Variants in IL1RAPL1 observed in about 807,000 individuals in gnomAD.
The protein encoded by IL1RAPL1 is interleukin 1 receptor accessory protein like 1.
A neutral mutation model predicts 48.4 loss-of-function variants in IL1RAPL1; 3 were observed. That is an observed-to-expected ratio of 0.06 (90% confidence interval 0.03 to 0.16). IL1RAPL1 has a LOEUF of 0.16. Among genes scored for constraint, IL1RAPL1 ranks in the 10% least tolerant of loss-of-function variants. The probability of loss-of-function intolerance (pLI) is 1.00; values close to 1 mark genes in which losing one functional copy is unlikely to be tolerated. For synonymous variants in IL1RAPL1, 185 were observed against 187.7 expected (o/e 0.99, Z 0.12); for missense variants, 349 against 530.6 (o/e 0.66, Z 3.36).
intron 5 of IL1RAPL1, among the ~76,000 whole-genome samples, chrX:29,417,497 G>C (rs1380363898): frequency 9.0e-6 from 1 of 111,585 alleles, no homozygotes; most frequent in Admixed American, 9.5e-5. Flanking sequence ...ATGTAAAGAA[G>C]TAGCTTACTC....
intron 2 of IL1RAPL1, among the ~76,000 whole-genome samples, chrX:29,239,005 C>G (rs779923060): frequency 3.6e-5 from 4 of 112,345 alleles, no homozygotes; most frequent in African/African-American, 1.3e-4. Flanking sequence ...CAAATTATCA[C>G]TGAAAGAGGA....
intron 2 of IL1RAPL1, among the ~76,000 whole-genome samples, chrX:29,209,579 A>G (rs770756993): frequency 8.9e-6 from 1 of 111,894 alleles, no homozygotes; most frequent in Non-Finnish European, 1.9e-5. Context: ...GGCACAAGCT[A>G]TGCATCTGTA....
rs768469484 is a variant in IL1RAPL1, at chrX:29,108,937, A to T, written c.83-174001A>T. Among the ~76,000 whole-genome samples the T allele has an allele frequency of 6.3e-5, 7 of 111,247 alleles. No individual in the cohort carries two copies. In the Admixed American group the frequency reaches 6.8e-4, roughly 11 times the overall value. ...CTTCAGAAATTAAAAATAATAGACC[A>T]GTTTTCCAGAGTAAGACATCTTTTT... On this transcript the variant is annotated intron_variant, in intron 2 of 10. Transcript: ENST00000378993.
At position 28,843,674 on chromosome X, in the gene IL1RAPL1, G is replaced by C. The variant is rs1264819311; in HGVS notation, c.82+54249G>C. ...TGTATGCATCTTTGAAGTCTAAATA[G>C]CATGTTATACAAATTGAAAATTGAC... On this transcript the variant is annotated intron_variant, in intron 2 of 10. Coordinates refer to ENST00000378993, the MANE Select transcript of IL1RAPL1 (RefSeq NM_014271.4). Among the ~76,000 whole-genome samples the C allele has an allele frequency of 3.6e-5, 4 of 111,897 alleles. 1 individual carries two copies. Among genetic ancestry groups the C allele is most frequent in the Non-Finnish European group, 7.5e-5 (4 of 53,071 alleles).
intron 6 of IL1RAPL1, among the ~76,000 whole-genome samples, chrX:29,907,691 C>T (rs968048520): frequency 9.0e-6 from 1 of 111,588 alleles, no homozygotes; most frequent in Non-Finnish European, 1.9e-5. Flanking sequence ...ACGTAATGTC[C>T]AGATCTATCA....
intron 6 of IL1RAPL1, among the ~76,000 whole-genome samples, chrX:29,824,813 T>G (rs192439489): frequency 9.0e-6 from 1 of 111,080 alleles, no homozygotes; most frequent in Non-Finnish European, 1.9e-5. Context: ...AGGGCTAATT[T>G]ACCAGTTGTG....
At chrX:29,112,354 C>A (rs1928588707) in intron 2 of IL1RAPL1, among the ~76,000 whole-genome samples, 1 of 111,752 alleles carries the variant, frequency 8.9e-6, no homozygotes, top group Non-Finnish European at 1.9e-5. Flanking sequence ...TTATTTCCTA[C>A]CCTAAGATCA....
intron 5 of IL1RAPL1, among the ~76,000 whole-genome samples, chrX:29,604,465 G>A (rs1923824809): frequency 9.0e-6 from 1 of 110,988 alleles, no homozygotes; most frequent in Non-Finnish European, 1.9e-5. Context: ...TTGAGAGGTA[G>A]TCTCACTCTG....
intron 6 of IL1RAPL1, among the ~76,000 whole-genome samples, chrX:29,778,469 G>T (rs1244746197): frequency 8.9e-6 from 1 of 111,834 alleles, no homozygotes; most frequent in African/African-American, 3.2e-5. Context: ...CTCCATGAGC[G>T]CAGGTATTGG....
chrX:28,768,751 C>CTATATA (rs1319423117), intron 1 of IL1RAPL1, among the ~76,000 whole-genome samples: 187 of 63,243 alleles, frequency 3.0e-3, no homozygotes, highest in Middle Eastern at 8.9e-3. Flanking sequence ...CTCTCTCTCT[C>CTATATA]TCTCTATATA....
chrX:29,862,800 G>A (rs1199254536), intron 6 of IL1RAPL1, among the ~76,000 whole-genome samples: 1 of 109,530 alleles, frequency 9.1e-6, no homozygotes, highest in Non-Finnish European at 1.9e-5. Flanking sequence ...TACGTGTTTG[G>A]TGGGATGAAA....
In IL1RAPL1 at chrX:29,577,236, T is replaced by C. The variant is rs188250951; in HGVS notation, c.704-91194T>C. On this transcript the variant is annotated intron_variant, in intron 5 of 10. Coordinates refer to ENST00000378993, the MANE Select transcript of IL1RAPL1 (RefSeq NM_014271.4). ...TGCATTTTCAGTAGTGTTTTTATACTGCAGATAATTTATGCACATTTTATA... is the reference window on the plus strand; with the variant it reads ...TGCATTTTCAGTAGTGTTTTTATACCGCAGATAATTTATGCACATTTTATA... Among the ~76,000 whole-genome samples the C allele has an allele frequency of 4.2e-3, 474 of 111,951 alleles. 2 individuals are homozygous for C. Among genetic ancestry groups the C allele is most frequent in the African/African-American group, 0.015 (458 of 30,853 alleles).
chrX:29,515,235 T>A (rs1935434208), intron 5 of IL1RAPL1, among the ~76,000 whole-genome samples: 1 of 112,784 alleles, frequency 8.9e-6, no homozygotes, highest in Non-Finnish European at 1.9e-5. Flanking sequence ...ATCTCATATA[T>A]CCTTTAATCA....
chrX:28,721,736 T>C (rs1340799928), intron 1 of IL1RAPL1, among the ~76,000 whole-genome samples: 1 of 111,442 alleles, frequency 9.0e-6, no homozygotes, highest in Non-Finnish European at 1.9e-5. Context: ...AGGTCTGACA[T>C]TTAAGTCTTT....
intron 2 of IL1RAPL1, among the ~76,000 whole-genome samples, chrX:29,184,187 C>T (rs959309473): frequency 1.8e-5 from 2 of 111,057 alleles, no homozygotes; most frequent in South Asian, 3.8e-4. Flanking sequence ...GACTTGTTTG[C>T]GTTTCCATTT....
chrX:29,129,565 C>G (rs1202688110), intron 2 of IL1RAPL1, among the ~76,000 whole-genome samples: 2 of 103,299 alleles, frequency 1.9e-5, no homozygotes, highest in Non-Finnish European at 3.9e-5. Context: ...TGTGAATTAA[C>G]TGTATATGCA....
intron 2 of IL1RAPL1, among the ~76,000 whole-genome samples, chrX:29,255,161 G>T (rs1184455802): frequency 9.1e-6 from 1 of 109,412 alleles, no homozygotes; most frequent in Non-Finnish European, 1.9e-5. Context: ...GTGTGTGTGT[G>T]TGTGAAATTC....
intron 5 of IL1RAPL1, among the ~76,000 whole-genome samples, chrX:29,493,680 C>A (rs1935182353): frequency 9.0e-6 from 1 of 111,221 alleles, no homozygotes; most frequent in African/African-American, 3.3e-5. Flanking sequence ...AAAATCATTT[C>A]AACTTTTATT....
At chrX:29,593,699 T>G (rs1923454723) in intron 5 of IL1RAPL1, among the ~76,000 whole-genome samples, 1 of 112,437 alleles carries the variant, frequency 8.9e-6, no homozygotes, top group African/African-American at 3.2e-5. Flanking sequence ...ATTTACTCAT[T>G]AGTTAAATAG....
Sources: gnomAD v4.1 joint callset for allele counts (sites outside exome capture counted in the v4.1 genomes callset) on GRCh38, gnomAD v4.1.1 for gene constraint, MANE v1.5 for transcripts, NCBI Gene and HGNC (gene_info 2026-07-23, HGNC 2026-07-21) for gene names.